The following HSD17B12 variants were observed in gnomAD, a reference collection of about 807,000 sequenced individuals.
HSD17B12 encodes the protein very-long-chain 3-oxoacyl-CoA reductase.
Under a neutral mutation model 39.3 loss-of-function variants are expected in HSD17B12, and 32 were observed. The ratio of observed to expected loss-of-function variants is 0.81; its 90% CI spans 0.61 to 1.09. HSD17B12 has a LOEUF of 1.09. HSD17B12 is among the 50% of genes least tolerant of loss of function. The pLI is 0.00. For synonymous variants in HSD17B12, 150 were observed against 146.7 expected (o/e 1.02, Z -0.16); for missense variants, 342 against 382.9 (o/e 0.89, Z 0.89).
intron 3 of HSD17B12, among the ~76,000 whole-genome samples, chr11:43,796,105 A>T (rs1027819358): frequency 1.3e-5 from 2 of 152,180 alleles, no homozygotes; most frequent in African/African-American, 4.8e-5. Context: ...TATGGCTAGA[A>T]CTGAGGAGCA....
chr11:43,665,794 C>A, the HSD17B12 span, among the ~76,000 whole-genome samples: 1 of 152,296 alleles, frequency 6.6e-6, no homozygotes, highest in South Asian at 2.1e-4. Context: ...CACACACAAG[C>A]ATGCCTTGTC....
intron 4 of HSD17B12, among the ~76,000 whole-genome samples, chr11:43,809,839 C>G (rs1565097297): frequency 6.6e-6 from 1 of 152,018 alleles, no homozygotes; most frequent in Non-Finnish European, 1.5e-5. Context: ...AATAAATAAG[C>G]AAATAAATAA....
intron 3 of HSD17B12, among the ~76,000 whole-genome samples, chr11:43,774,812 G>A (rs1163225250): frequency 8.5e-5 from 13 of 152,100 alleles, no homozygotes; most frequent in Admixed American, 7.9e-4. Context: ...CTCACCTTCA[G>A]GTATATACAC....
At chr11:43,670,927 G>A in the HSD17B12 span, among the ~76,000 whole-genome samples, 7 of 151,762 alleles carry the variant, frequency 4.6e-5, no homozygotes, top group Non-Finnish European at 8.8e-5. Context: ...ATAAAGGAAA[G>A]AACTAGGCAA....
At chr11:43,809,832 A>T (rs993273612) in intron 4 of HSD17B12, among the ~76,000 whole-genome samples, 4 of 152,196 alleles carry the variant, frequency 2.6e-5, no homozygotes, top group Admixed American at 6.5e-5. Context: ...ATAAGTAAAT[A>T]AATAAGCAAA....
chr11:43,589,514 T>A, the HSD17B12 span, among the ~76,000 whole-genome samples: 3 of 152,234 alleles, frequency 2.0e-5, no homozygotes, highest in Admixed American at 2.0e-4. Context: ...ATTTATTTAT[T>A]TTATTCAGTT....
At chr11:43,657,856 C>T in the HSD17B12 span, among the ~76,000 whole-genome samples, 7 of 152,176 alleles carry the variant, frequency 4.6e-5, 1 homozygote, top group Admixed American at 3.3e-4. Context: ...ATTTCAACTT[C>T]AGTGAATCTG....
upstream of HSD17B12, among the ~76,000 whole-genome samples, chr11:43,679,743 T>A (rs1949723016): frequency 6.6e-6 from 1 of 152,238 alleles, no homozygotes; most frequent in Non-Finnish European, 1.5e-5. Context: ...ACAGCTCTGA[T>A]GCCATCGTCT....
At chr11:43,665,160 AAGC>A in the HSD17B12 span, among the ~76,000 whole-genome samples, 1 of 152,232 alleles carries the variant, frequency 6.6e-6, no homozygotes, top group Non-Finnish European at 1.5e-5. Flanking sequence ...CATAGATTGG[AAGC>A]AGAAAACAAA....
chr11:43,768,275 A>C (rs965695804), intron 3 of HSD17B12, among the ~76,000 whole-genome samples: 7 of 152,258 alleles, frequency 4.6e-5, no homozygotes, highest in African/African-American at 1.7e-4. Context: ...ACTATGTTTG[A>C]ATGCAATTGC....
At chr11:43,583,340 T>G in the HSD17B12 span, among the ~76,000 whole-genome samples, 4 of 152,168 alleles carry the variant, frequency 2.6e-5, no homozygotes, top group African/African-American at 9.6e-5. Flanking sequence ...GCGAGTCCTC[T>G]CCTCGCCTCG....
chr11:43,633,780 G>A, the HSD17B12 span, among the ~76,000 whole-genome samples: 1 of 151,682 alleles, frequency 6.6e-6, no homozygotes, highest in South Asian at 2.1e-4. Flanking sequence ...ATCAGTTTTT[G>A]AAAGACAAAT....
the HSD17B12 span, among the ~76,000 whole-genome samples, chr11:43,669,009 A>G: frequency 1.3e-5 from 2 of 152,154 alleles, no homozygotes; most frequent in African/African-American, 4.8e-5. Context: ...TATTGCTAAT[A>G]TATCTCTGAT....
chr11:43,568,616 G>A, the HSD17B12 span, among the ~76,000 whole-genome samples: 1 of 152,166 alleles, frequency 6.6e-6, no homozygotes, highest in African/African-American at 2.4e-5. Flanking sequence ...CCATGAGATA[G>A]GTAGGGCAGA....
chr11:43,690,377 TATATATA>T (rs1949844260), intron 1 of HSD17B12, among the ~76,000 whole-genome samples: 4 of 9,984 alleles, frequency 4.0e-4, no homozygotes, highest in Admixed American at 1.1e-3. Flanking sequence ...TATATATATA[TATATATA>T]TATATATATA....
At chr11:43,639,068 T>C in the HSD17B12 span, among the ~76,000 whole-genome samples, 1 of 152,198 alleles carries the variant, frequency 6.6e-6, no homozygotes, top group Admixed American at 6.5e-5. Context: ...AAAGATAAGA[T>C]TTTTATGGCT....
At chr11:43,613,426 A>C in the HSD17B12 span, among the ~76,000 whole-genome samples, 3 of 151,724 alleles carry the variant, frequency 2.0e-5, no homozygotes, top group Non-Finnish European at 1.5e-5. Flanking sequence ...ACAACAAAAA[A>C]AAACAAACGA....
chr11:43,729,509 G>A (rs956026080), intron 1 of HSD17B12, among the ~76,000 whole-genome samples: 3 of 151,836 alleles, frequency 2.0e-5, no homozygotes, highest in Non-Finnish European at 4.4e-5. Context: ...TGAAACTTTT[G>A]CTGGAGACCA....
At chr11:43,588,184 G>A in the HSD17B12 span, among the ~76,000 whole-genome samples, 3 of 152,284 alleles carry the variant, frequency 2.0e-5, no homozygotes, top group East Asian at 5.8e-4. Context: ...ACTGATTTTA[G>A]AACTGATCAG....
Sources: allele counts gnomAD v4.1 joint callset (sites outside exome capture counted in the v4.1 genomes callset), GRCh38; gene constraint gnomAD v4.1.1; transcripts MANE v1.5; gene names NCBI Gene and HGNC (gene_info 2026-07-23, HGNC 2026-07-21).